The following MOV10L1 variants were observed in gnomAD, a reference collection of about 807,000 sequenced individuals.
MOV10L1 encodes RNA helicase Mov10l1.
Under a neutral mutation model 143.8 loss-of-function variants are expected in MOV10L1, and 110 were observed. That is an observed-to-expected ratio of 0.76 (90% CI 0.66 to 0.90). The LOEUF is 0.90. Among genes scored for constraint, MOV10L1 ranks in the 40% least tolerant of loss-of-function variants. The pLI, the probability that MOV10L1 is intolerant of heterozygous loss-of-function variation, is 0.00. For missense variants in MOV10L1, 1,406 were observed against 1,526.8 expected (o/e 0.92, Z 1.32); for synonymous variants, 593 against 581.1 (o/e 1.02, Z -0.29).
rs992945084 is a variant in MOV10L1, at chr22:50,109,940, G to C, written c.743+1096G>C. Among the ~76,000 whole-genome samples, 8 of 152,148 alleles carry C rather than the reference G, an allele frequency of 5.3e-5. 1 individual carries two copies. The highest frequency in any genetic ancestry group is 5.2e-4 in the Admixed American group (8 of 15,278). On this transcript the variant is annotated intron_variant, in intron 5 of 26. Transcript: ENST00000262794. ...CTGAGGCGGGTAGATCATGAGGTCA[G>C]GAGTTCGAGACCAGCCTGGCCAATA...
At chr22:50,145,976 G>A (rs940434401) in intron 19 of MOV10L1, among the ~76,000 whole-genome samples, 166 bp downstream of exon 19, 1 of 152,186 alleles carries the variant, frequency 6.6e-6, no homozygotes, top group Admixed American at 6.5e-5. Context: ...CCTGAATGGA[G>A]CTGGGGAAGC....
Position 50,150,718 on chromosome 22 carries a change from G to A in MOV10L1, c.2728-17G>A, listed in dbSNP as rs778317318. The A allele has an allele frequency of 1.5e-5, 24 of 1,611,502 alleles. No homozygotes were observed. The African/African-American group carries it at 1.7e-4, about 12-fold the overall frequency. On this transcript the variant is annotated splice_polypyrimidine_tract_variant and intron_variant, in intron 20 of 26. Coordinates refer to ENST00000262794, the MANE Select transcript of MOV10L1 (RefSeq NM_018995.3). ...GCACCCTCCCTGCATGAGCTGAGAC[G>A]GGCCCTCTGTGTGCAGATCGTGCTG...
chr22:50,144,056 G>A, intron 17 of MOV10L1, 41 bp from the exon 18 acceptor site: 3 of 1,586,618 alleles, frequency 1.9e-6, no homozygotes, highest in Non-Finnish European at 2.6e-6. Context: ...ACCTTGCGGT[G>A]TGGATGTTGA....
rs1479537728 is a variant in MOV10L1 at position 50,150,729 on chromosome 22, G to A, written c.2728-6G>A. 6.2e-7 allele frequency: 1 copy of A among 1,613,480 alleles called. No individual in the cohort carries two copies. The highest frequency in any genetic ancestry group is 8.5e-7 in the Non-Finnish European group (1 of 1,179,794). On this transcript the variant is annotated splice_polypyrimidine_tract_variant and splice_region_variant and intron_variant, in intron 20 of 26. Transcript: ENST00000262794. Reference sequence around the variant, plus strand: ...GCATGAGCTGAGACGGGCCCTCTGTGTGCAGATCGTGCTGGCAGGAGACCC... The same window carrying A: ...GCATGAGCTGAGACGGGCCCTCTGTATGCAGATCGTGCTGGCAGGAGACCC...
At chr22:50,146,804 G>C (rs149461660) in intron 19 of MOV10L1, among the ~76,000 whole-genome samples, 36 of 152,178 alleles carry the variant, frequency 2.4e-4, no homozygotes, top group Admixed American at 2.4e-3. Flanking sequence ...TTTCATCGGC[G>C]CGTTTAACTC....
At chr22:50,134,175 C>G in intron 14 of MOV10L1, 110 bp downstream of exon 14, 1 of 816,402 alleles carries the variant, frequency 1.2e-6, no homozygotes, top group South Asian at 2.3e-5. Context: ...AGAAGTAAAA[C>G]TTTTGTTATA....
intron 3 of MOV10L1, among the ~76,000 whole-genome samples, chr22:50,106,939 G>A (rs932511527): frequency 5.9e-5 from 9 of 151,642 alleles, no homozygotes; most frequent in Non-Finnish European, 1.0e-4. Context: ...CTGACCTCAT[G>A]ATCCACCCGC....
intron 13 of MOV10L1, among the ~76,000 whole-genome samples, chr22:50,133,517 G>C (rs1210640920): frequency 1.4e-5 from 2 of 144,064 alleles, no homozygotes; most frequent in African/African-American, 2.6e-5. Flanking sequence ...TTTTTTTTTT[G>C]GCTTCTTTGG....
intron 14 of MOV10L1, among the ~76,000 whole-genome samples, 169 bp from the exon 15 acceptor site, chr22:50,134,361 G>A (rs1335561949): frequency 6.6e-6 from 1 of 152,026 alleles, no homozygotes; most frequent in East Asian, 1.9e-4. Context: ...TTGTTGTGAA[G>A]AATATGCAGT....
Position 50,128,429 on chromosome 22 carries a change from A to G in MOV10L1, c.1832A>G (p.Asp611Gly), listed in dbSNP as rs764334184. 1 of 1,511,386 alleles carries G rather than the reference A, an allele frequency of 6.6e-7. No individual in the cohort carries two copies. Among genetic ancestry groups the G allele is most frequent in the Non-Finnish European group, 9.1e-7 (1 of 1,096,178 alleles). 93.6% of individuals were successfully genotyped at this position (1,511,386 alleles called of 1,614,324 possible). A position where few individuals can be genotyped will look rare whatever the true frequency, so the allele number is the denominator to read the frequency against. Residue 611 changes from aspartate (D) to glycine (G), a missense_variant, in exon 13 of 27, where the codon GAT (aspartate) becomes GGT (glycine). Around this residue, in one of 3 missense-constraint regions of MOV10L1, gnomAD observed 1,233 missense variants for 1,351.4 expected, o/e 0.91. Coordinates refer to ENST00000262794, the MANE Select transcript of MOV10L1 (RefSeq NM_018995.3). The part of the protein sequence containing the change: ...ISYVTEIHEE[D>G]VTLKINPEFE... ...TTCCTTTTTTAGATTCATGAAGAAG[A>G]TGTAACTCTTAAAATTAATCCAGAA...
intron 13 of MOV10L1, among the ~76,000 whole-genome samples, chr22:50,131,723 A>G (rs62239262): frequency 2.3e-4 from 23 of 99,880 alleles, no homozygotes; most frequent in Admixed American, 8.8e-4. Flanking sequence ...TACCTTTGTG[A>G]AAAAAAAAAA....
intron 19 of MOV10L1, among the ~76,000 whole-genome samples, chr22:50,148,189 A>G (rs879752101): frequency 2.6e-5 from 4 of 151,790 alleles, no homozygotes; most frequent in Non-Finnish European, 5.9e-5. Flanking sequence ...GGCTCCGGAC[A>G]CTCTCTCTGC....
Position 50,125,544 on chromosome 22 carries a change from C to T in MOV10L1, c.1722C>T (p.Ala574=), listed in dbSNP as rs771472103. The T allele has an allele frequency of 1.6e-5, 26 of 1,613,922 alleles. No individual in the cohort carries two copies. Among genetic ancestry groups the T allele is most frequent in the South Asian group, 4.4e-5 (4 of 91,064 alleles). The stretch of plus-strand genomic sequence containing the variant: ...TGGTTCTGGAGGTCCCAGGGTTGGC[C>T]GAAGGGAGGCCTTCTCTCTACGCAG... ...DLLVLEVPGL[A]EGRPSLYAGD... The change falls in exon 11 of 27, where the codon GCC becomes GCT. Residue 574 remains alanine, a synonymous_variant. Transcript: ENST00000262794.
At chr22:50,120,646 TTGGCATC>T (rs776659545) in intron 10 of MOV10L1, 30 bp downstream of exon 10, 1 of 1,464,190 alleles carries the variant, frequency 6.8e-7, no homozygotes, top group Admixed American at 1.8e-5. Flanking sequence ...CTGTGGGGTG[TTGGCATC>T]TTCTAATGCT....
chr22:50,127,579 C>T (rs567899785), intron 12 of MOV10L1, among the ~76,000 whole-genome samples: 1 of 152,274 alleles, frequency 6.6e-6, no homozygotes, highest in African/African-American at 2.4e-5. Context: ...AGCCCTGACC[C>T]TCAGGAAACT....
At chr22:50,117,039 A>G in intron 8 of MOV10L1, 118 bp from the exon 9 acceptor site, 3 of 884,622 alleles carry the variant, frequency 3.4e-6, no homozygotes, top group Non-Finnish European at 5.1e-6. Flanking sequence ...AAAAAGAATT[A>G]TTGAAGACTA....
intron 15 of MOV10L1, among the ~76,000 whole-genome samples, chr22:50,136,486 A>G (rs2062826350): frequency 1.3e-5 from 2 of 152,266 alleles, no homozygotes; most frequent in South Asian, 4.1e-4. Context: ...TATATGGAAC[A>G]ACAATTTCAG....
chr22:50,144,861 G>A (rs566665634), intron 18 of MOV10L1, among the ~76,000 whole-genome samples: 13 of 152,088 alleles, frequency 8.5e-5, no homozygotes, highest in South Asian at 2.1e-4. Flanking sequence ...GATTACAGGC[G>A]TGAGCCACCG....
At chr22:50,103,739 G>A (rs2061803055) in intron 3 of MOV10L1, among the ~76,000 whole-genome samples, 1 of 152,140 alleles carries the variant, frequency 6.6e-6, no homozygotes. Context: ...GCAGCACCCA[G>A]CTGGGTCACA....
Sources: gnomAD v4.1 joint callset for allele counts (sites outside exome capture counted in the v4.1 genomes callset) on GRCh38, gnomAD v4.1.1 for gene constraint, gnomAD v4.1.1 regional missense constraint, MANE v1.5 for transcripts, NCBI Gene and HGNC (gene_info 2026-07-23, HGNC 2026-07-21) for gene names.